The following GNAS variants were observed in gnomAD, a reference collection of about 807,000 sequenced individuals.
GNAS encodes GNAS complex locus, also known as protein ALEX.
Under a neutral mutation model 54.5 loss-of-function variants are expected in GNAS, and 8 were observed. The observed-to-expected ratio is 0.15, with a 90% confidence interval of 0.09 to 0.26. GNAS has a LOEUF of 0.26. Ranked by LOEUF, GNAS falls within the 10% of genes least tolerant of loss-of-function variation. GNAS has a pLI of 1.00. For synonymous variants in GNAS, 204 were observed against 191.4 expected, an observed-to-expected ratio of 1.07 and a Z score of -0.54; for missense variants, 170 against 529.8, an observed-to-expected ratio of 0.32 and a Z score of 6.67.
At position 58,853,413 on chromosome 20, in the gene GNAS, G is replaced by A. The variant is rs1466641857; in HGVS notation, c.43+12527G>A. ...TGGGCCTAGCCCAGCCGAAGAGATG[G>A]AGACCGAACCGCCTCACAACGAGCC... On this transcript the variant is annotated intron_variant, in intron 1 of 12. Transcript: ENST00000306090. The surrounding 1 kb of genome is among the most constrained non-coding windows in gnomAD (Gnocchi z 4.4). 5.7e-6 allele frequency: 9 copies of A among 1,585,904 alleles called. No individual in the cohort carries two copies. Among genetic ancestry groups the A allele is most frequent in the Non-Finnish European group, 7.7e-6 (9 of 1,166,810 alleles).
intron 2 of GNAS, chr20:58,897,912 C>G (rs2090215972): frequency 6.6e-6 from 1 of 152,182 alleles, no homozygotes; most frequent in South Asian, 2.1e-4. Flanking sequence ...AAAGGGTGGT[C>G]TGGGTGGTAC....
At chr20:58,869,408 A>T (rs998561714) in intron 1 of GNAS, among the ~76,000 whole-genome samples, 1 of 152,196 alleles carries the variant, frequency 6.6e-6, no homozygotes, top group East Asian at 1.9e-4. Context: ...TTGGTAAATA[A>T]TTAATAGTTT....
upstream of GNAS, among the ~76,000 whole-genome samples, chr20:58,887,005 A>C (rs966221305): frequency 6.6e-6 from 1 of 152,246 alleles, no homozygotes; most frequent in Non-Finnish European, 1.5e-5. Flanking sequence ...TTTCTAGGAC[A>C]ATAGTCCCAA....
chr20:58,847,839 G>A (rs2085994710), intron 1 of GNAS, among the ~76,000 whole-genome samples: 1 of 152,204 alleles, frequency 6.6e-6, no homozygotes, highest in Admixed American at 6.5e-5. Context: ...CTAAACTTGA[G>A]ATATGCCTTA....
rs1209306687 is a variant in GNAS at position 58,911,135 on chromosome 20, ATATT to A, written c.*307_*310del. On this transcript the variant is annotated 3_prime_UTR_variant, in exon 13 of 13. Coordinates refer to ENST00000371085, the MANE Select transcript of GNAS (RefSeq NM_000516.7). The stretch of plus-strand genomic sequence containing the variant: ...GAAATAAAAGAAACAAATGAAATAA[ATATT>A]GTGTTGTGCAGCATTAAAAAAAATC... 3 of 543,748 alleles carry A rather than the reference ATATT, an allele frequency of 5.5e-6. No homozygotes were observed. Among genetic ancestry groups the A allele is most frequent in the Non-Finnish European group, 1.0e-5 (3 of 293,030 alleles). 33.7% of individuals were successfully genotyped at this position (543,748 alleles called of 1,614,324 possible). A position where few individuals can be genotyped will look rare whatever the true frequency, so the allele number is the denominator to read the frequency against.
In GNAS at chr20:58,857,371, A is replaced by C. The variant is rs1162099397; in HGVS notation, c.43+16485A>C. Among the ~76,000 whole-genome samples, 2 of 152,256 alleles carry C rather than the reference A, an allele frequency of 1.3e-5. No homozygotes were observed. Among genetic ancestry groups the C allele is most frequent in the Non-Finnish European group, 2.9e-5 (2 of 68,042 alleles). Reference sequence around the variant, plus strand: ...AACTACACTAAAGCTACCAAACATTAAATGACAATGCACTGGTTTCCCTGC... The same window carrying C: ...AACTACACTAAAGCTACCAAACATTCAATGACAATGCACTGGTTTCCCTGC... On this transcript the variant is annotated intron_variant, in intron 1 of 12. Coordinates refer to the GNAS transcript ENST00000306090. The surrounding 1 kb of genome is among the most constrained non-coding windows in gnomAD (Gnocchi z 4.1).
Position 58,911,096 on chromosome 20 carries a change from C to G in GNAS, c.*267C>G, listed in dbSNP as rs1247232070. 6.6e-6 allele frequency: 4 copies of G among 608,856 alleles called. No individual in the cohort carries two copies. In the African/African-American group the frequency reaches 7.3e-5, roughly 11 times the overall value. The allele number at this position is 608,856 out of a possible 1,614,324, so 37.7% of individuals were successfully genotyped here. ...GTAAAAATAAATAAAACAGCAGCAG[C>G]AAACAAATAAAATGAAATAAAAGAA... On this transcript the variant is annotated 3_prime_UTR_variant, in exon 13 of 13. Coordinates refer to ENST00000371085, the MANE Select transcript of GNAS (RefSeq NM_000516.7).
chr20:58,870,804 C>T (rs904016989), intron 1 of GNAS, among the ~76,000 whole-genome samples: 2 of 152,196 alleles, frequency 1.3e-5, no homozygotes, highest in African/African-American at 2.4e-5. Flanking sequence ...TGCCCACTTT[C>T]GCTTCCCACA....
intron 1 of GNAS, chr20:58,855,326 G>A (rs1255362755): frequency 1.3e-6 from 2 of 1,569,446 alleles, no homozygotes; most frequent in South Asian, 1.2e-5. Flanking sequence ...ACCGCCTGCT[G>A]CTTCTAGGTA....
chr20:58,876,412 A>T (rs775181050), intron 1 of GNAS, among the ~76,000 whole-genome samples: 27 of 151,980 alleles, frequency 1.8e-4, no homozygotes, highest in Non-Finnish European at 3.1e-4. Context: ...TTTTAATGTC[A>T]CCCACCTGAA....
chr20:58,903,802 C>G lies in GNAS; in HGVS notation c.432+11C>G. 1 of 1,613,966 alleles carries G rather than the reference C, an allele frequency of 6.2e-7. No individual in the cohort carries two copies. Among genetic ancestry groups the G allele is most frequent in the Non-Finnish European group, 8.5e-7 (1 of 1,179,940 alleles). On this transcript the variant is annotated intron_variant, in intron 5 of 12. Coordinates refer to ENST00000371085, the MANE Select transcript of GNAS (RefSeq NM_000516.7). ...TTTGACTTCCCTCCCGTAAGCTACA[C>G]CCCGACTTGTGTGGCCTTAGCCCCG...
intron 1 of GNAS, among the ~76,000 whole-genome samples, chr20:58,869,525 C>T (rs1430710991): frequency 1.1e-4 from 16 of 152,154 alleles, no homozygotes; most frequent in Non-Finnish European, 2.4e-4. Flanking sequence ...GAGCAGAGCT[C>T]CAGTTTCCAC....
chr20:58,876,713 G>C (rs1031240174), intron 1 of GNAS: 1 of 152,210 alleles, frequency 6.6e-6, no homozygotes, highest in African/African-American at 2.4e-5. Flanking sequence ...CCCAGATGCA[G>C]AACCTCTGTA....
At chr20:58,906,480 C>T (rs2091054935) in intron 6 of GNAS, among the ~76,000 whole-genome samples, 1 of 152,156 alleles carries the variant, frequency 6.6e-6, no homozygotes, top group African/African-American at 2.4e-5. Flanking sequence ...CCTCATCTTG[C>T]ACATGATATA....
intron 1 of GNAS, among the ~76,000 whole-genome samples, chr20:58,869,676 G>A (rs2087305283): frequency 6.6e-6 from 1 of 152,212 alleles, no homozygotes; most frequent in Non-Finnish European, 1.5e-5. Flanking sequence ...TTCCATTCAT[G>A]CAAGTATCAT....
chr20:58,860,598 A>G (rs141607206), intron 1 of GNAS, among the ~76,000 whole-genome samples: 1 of 152,184 alleles, frequency 6.6e-6, no homozygotes, highest in Non-Finnish European at 1.5e-5. Flanking sequence ...GCTAATTTCC[A>G]TTTAGCAAGA....
chr20:58,852,896 C>A (rs117455294), intron 1 of GNAS: 19,631 of 519,822 alleles, frequency 0.038, 482 homozygotes, highest in Non-Finnish European at 0.046. Flanking sequence ...GCGCTACTGG[C>A]GATTTTCGGA....
At chr20:58,893,544 C>G (rs1378371685) in intron 1 of GNAS, among the ~76,000 whole-genome samples, 1 of 152,120 alleles carries the variant, frequency 6.6e-6, no homozygotes, top group Non-Finnish European at 1.5e-5. Context: ...TTTTGGTTTG[C>G]TCTTTTTGCA....
intron 1 of GNAS, chr20:58,850,764 C>T (rs1182143365): frequency 1.0e-5 from 4 of 398,860 alleles, no homozygotes; most frequent in Non-Finnish European, 1.8e-5. Flanking sequence ...GGCTCGGCAA[C>T]CTGTGGCATG....
Sources: gnomAD v4.1 joint callset for allele counts (sites outside exome capture counted in the v4.1 genomes callset) on GRCh38, gnomAD v4.1.1 for gene constraint, Gnocchi (gnomAD v3.1) non-coding constraint, MANE v1.5 for transcripts, NCBI Gene and HGNC (gene_info 2026-07-23, HGNC 2026-07-21) for gene names.